LRP1B: variants seen among roughly 807,000 people sequenced by gnomAD.
The protein encoded by LRP1B is low-density lipoprotein receptor-related protein 1B.
A neutral mutation model predicts 556.6 loss-of-function variants in LRP1B; 217 were observed. The ratio of observed to expected loss-of-function variants is 0.39; its 90% CI spans 0.35 to 0.44. The LOEUF is 0.44. Among genes scored for constraint, LRP1B ranks in the 20% least tolerant of loss-of-function variants. The probability of loss-of-function intolerance (pLI) is 1.00; values close to 1 mark genes in which losing one functional copy is unlikely to be tolerated. For missense variants in LRP1B, 5,053 were observed against 5,620.8 expected (o/e 0.90, Z 3.23); for synonymous variants, 2,047 against 1,865.8 (o/e 1.10, Z -2.50).
At chr2:141,459,534 C>G (rs1681775540) in intron 3 of LRP1B, among the ~76,000 whole-genome samples, 1 of 151,986 alleles carries the variant, frequency 6.6e-6, no homozygotes, top group Non-Finnish European at 1.5e-5. Context: ...TTGTCCCCCG[C>G]TAAATCTCAT....
intron 2 of LRP1B, among the ~76,000 whole-genome samples, chr2:141,623,492 T>C (rs1168886889): frequency 6.6e-6 from 1 of 152,208 alleles, no homozygotes; most frequent in African/African-American, 2.4e-5. Flanking sequence ...CTTTATCTTT[T>C]CTAATTTCTT....
At chr2:141,149,536 T>C (rs1427875166) in intron 7 of LRP1B, among the ~76,000 whole-genome samples, 3 of 152,142 alleles carry the variant, frequency 2.0e-5, no homozygotes, top group Non-Finnish European at 4.4e-5. Context: ...GTATTTCTAT[T>C]CTACAACTCC....
At chr2:140,474,103 G>A (rs1361784111) in intron 60 of LRP1B, among the ~76,000 whole-genome samples, 2 of 151,848 alleles carry the variant, frequency 1.3e-5, no homozygotes, top group Non-Finnish European at 2.9e-5. Flanking sequence ...TTAAGAAAGC[G>A]CCTCTAAAAA....
rs559440445 is a variant in LRP1B at position 141,193,463 on chromosome 2, G to A, written c.851-4880C>T. On this transcript the variant is annotated intron_variant, in intron 6 of 90. Coordinates refer to ENST00000389484, the MANE Select transcript of LRP1B (RefSeq NM_018557.3). The stretch of plus-strand genomic sequence containing the variant: ...TGCAGGAATATGAATGGAGCTGGAG[G>A]TTATTAGCAAACTAAGACAGAAACA... 4.6e-5 allele frequency among the ~76,000 whole-genome samples: 7 copies of A among 152,060 alleles called. No homozygotes were observed. In the East Asian group the frequency reaches 1.4e-3, roughly 30 times the overall value.
At chr2:141,115,771 C>G (rs952494872) in intron 7 of LRP1B, among the ~76,000 whole-genome samples, 1 of 151,924 alleles carries the variant, frequency 6.6e-6, no homozygotes, top group Non-Finnish European at 1.5e-5. Flanking sequence ...CGTGAGCCAC[C>G]GCGCCCCACC....
At chr2:141,585,554 T>C (rs1687108604) in intron 2 of LRP1B, among the ~76,000 whole-genome samples, 1 of 151,776 alleles carries the variant, frequency 6.6e-6, no homozygotes, top group African/African-American at 2.4e-5. Flanking sequence ...CATTAGGAGT[T>C]GAAGGCATGC....
chr2:141,913,281 T>C (rs943500012), intron 1 of LRP1B, among the ~76,000 whole-genome samples: 20 of 152,210 alleles, frequency 1.3e-4, no homozygotes, highest in African/African-American at 4.3e-4. Context: ...CAGAAATTGA[T>C]TGGACCCTGG....
intron 2 of LRP1B, among the ~76,000 whole-genome samples, chr2:141,678,855 T>C (rs1048802487): frequency 2.6e-5 from 4 of 152,174 alleles, no homozygotes; most frequent in African/African-American, 7.2e-5. Flanking sequence ...CTTTAGATGA[T>C]ACCCACTCCC....
intron 3 of LRP1B, among the ~76,000 whole-genome samples, chr2:141,282,723 A>C (rs1685555206): frequency 6.6e-6 from 1 of 152,126 alleles, no homozygotes. Context: ...GGTCTATAGT[A>C]AGTTGAGCAA....
chr2:141,999,531 TA>T (rs1702596265), intron 1 of LRP1B, among the ~76,000 whole-genome samples: 2 of 152,122 alleles, frequency 1.3e-5, no homozygotes, highest in Non-Finnish European at 2.9e-5. Flanking sequence ...TGAATTTTGT[TA>T]AAGAAATAAA....
intron 2 of LRP1B, among the ~76,000 whole-genome samples, chr2:141,718,021 T>C (rs1558825480): frequency 6.6e-6 from 1 of 152,216 alleles, no homozygotes; most frequent in Non-Finnish European, 1.5e-5. Flanking sequence ...ATGGCCACTG[T>C]GGCCATGGCT....
chr2:140,933,026 A>C (rs751198272), intron 20 of LRP1B, among the ~76,000 whole-genome samples: 6 of 143,686 alleles, frequency 4.2e-5, no homozygotes, highest in Non-Finnish European at 9.5e-5. Flanking sequence ...AGAATATTGT[A>C]TTAATTTATA....
chr2:140,695,251 C>T (rs1686389259), intron 41 of LRP1B, among the ~76,000 whole-genome samples: 1 of 152,020 alleles, frequency 6.6e-6, no homozygotes, highest in Non-Finnish European at 1.5e-5. Flanking sequence ...CCCTCTCTTT[C>T]ATAATTCATT....
intron 1 of LRP1B, among the ~76,000 whole-genome samples, chr2:141,820,806 T>A (rs1696726277): frequency 6.6e-6 from 1 of 152,092 alleles, no homozygotes; most frequent in African/African-American, 2.4e-5. Context: ...AAATTTGAAA[T>A]TGACTAAAAT....
chr2:141,243,030 A>G (rs536397961), intron 5 of LRP1B, among the ~76,000 whole-genome samples: 191 of 152,256 alleles, frequency 1.3e-3, no homozygotes, highest in Non-Finnish European at 1.4e-3. Flanking sequence ...TTTTATTTTC[A>G]TATTTGACAA....
chr2:141,764,868 A>C (rs1001452096), intron 2 of LRP1B, among the ~76,000 whole-genome samples: 3 of 151,886 alleles, frequency 2.0e-5, no homozygotes, highest in Admixed American at 6.6e-5. Flanking sequence ...ATAACAGAAA[A>C]TATTTTATCA....
At chr2:141,393,439 T>A (rs892791354) in intron 3 of LRP1B, among the ~76,000 whole-genome samples, 1 of 152,198 alleles carries the variant, frequency 6.6e-6, no homozygotes. Flanking sequence ...CCAGGCCCAA[T>A]TAGCATTTCT....
intron 36 of LRP1B, among the ~76,000 whole-genome samples, chr2:140,716,330 T>C (rs1416944373): frequency 6.6e-6 from 1 of 152,086 alleles, no homozygotes. Flanking sequence ...ATGATATATT[T>C]ACATGGTAAA....
At chr2:141,541,104 G>T (rs998949796) in intron 2 of LRP1B, among the ~76,000 whole-genome samples, 1 of 151,844 alleles carries the variant, frequency 6.6e-6, no homozygotes, top group Non-Finnish European at 1.5e-5. Flanking sequence ...TGAATAACAA[G>T]TCTACTTACT....
Sources: allele counts gnomAD v4.1 joint callset (sites outside exome capture counted in the v4.1 genomes callset), GRCh38; gene constraint gnomAD v4.1.1; transcripts MANE v1.5; gene names NCBI Gene and HGNC (gene_info 2026-07-23, HGNC 2026-07-21).